Variants in MDGA2 observed in about 807,000 individuals in gnomAD.
The protein encoded by MDGA2 is MAM domain containing glycosylphosphatidylinositol anchor 2, also known as MAM domain-containing glycosylphosphatidylinositol anchor protein 2.
A neutral mutation model predicts 117.8 loss-of-function variants in MDGA2; 40 were observed. The ratio of observed to expected loss-of-function variants is 0.34; its 90% CI spans 0.26 to 0.44. MDGA2 has a LOEUF of 0.44. Ranked by LOEUF, MDGA2 falls within the 20% of genes least tolerant of loss-of-function variation. The probability of loss-of-function intolerance (pLI) is 1.00; values close to 1 mark genes in which losing one functional copy is unlikely to be tolerated. For missense variants in MDGA2, 1,123 were observed against 1,250.6 expected (o/e 0.90, Z 1.54); for synonymous variants, 452 against 439.0 (o/e 1.03, Z -0.37).
intron 3 of MDGA2, among the ~76,000 whole-genome samples, chr14:47,157,983 G>A (rs958256576): frequency 6.8e-6 from 1 of 146,614 alleles, no homozygotes; most frequent in African/African-American, 2.5e-5. Context: ...ATAGCAGTGT[G>A]GAACAGACTA....
intron 1 of MDGA2, among the ~76,000 whole-genome samples, chr14:47,412,797 C>T (rs1459333729): frequency 6.6e-6 from 1 of 152,156 alleles, no homozygotes; most frequent in Non-Finnish European, 1.5e-5. Flanking sequence ...ACACACAAAC[C>T]ACATGTTGCC....
At chr14:47,550,975 G>A (rs901226606) in intron 1 of MDGA2, among the ~76,000 whole-genome samples, 1 of 152,182 alleles carries the variant, frequency 6.6e-6, no homozygotes, top group Non-Finnish European at 1.5e-5. Flanking sequence ...TATGGAACAT[G>A]TAGGAGGCAA....
intron 3 of MDGA2, among the ~76,000 whole-genome samples, chr14:47,176,381 C>T (rs1415730871): frequency 8.5e-5 from 13 of 152,150 alleles, no homozygotes; most frequent in African/African-American, 2.2e-4. Flanking sequence ...GGAGGCATCA[C>T]GCTACCTGAC....
At chr14:46,960,029 C>T (rs1397349004) in intron 8 of MDGA2, among the ~76,000 whole-genome samples, 2 of 151,972 alleles carry the variant, frequency 1.3e-5, no homozygotes, top group African/African-American at 4.8e-5. Context: ...CGAGACCAGC[C>T]TGGGCAACAT....
chr14:47,063,928 T>G (rs986973079), intron 6 of MDGA2, among the ~76,000 whole-genome samples: 2 of 151,994 alleles, frequency 1.3e-5, no homozygotes, highest in African/African-American at 4.8e-5. Flanking sequence ...GTGCTCTGCA[T>G]AGTGACATAT....
At chr14:47,139,574 C>G (rs1882613125) in intron 4 of MDGA2, among the ~76,000 whole-genome samples, 1 of 151,290 alleles carries the variant, frequency 6.6e-6, no homozygotes, top group African/African-American at 2.4e-5. Context: ...CATGAAGCCA[C>G]AAAGGTCAAT....
At chr14:47,352,008 G>T (rs1317931912) in intron 1 of MDGA2, among the ~76,000 whole-genome samples, 1 of 151,546 alleles carries the variant, frequency 6.6e-6, no homozygotes, top group Non-Finnish European at 1.5e-5. Flanking sequence ...TTTTAAGAAA[G>T]AAATTAGTTT....
chr14:47,009,924 C>T (rs1887839056), intron 8 of MDGA2, among the ~76,000 whole-genome samples: 1 of 151,908 alleles, frequency 6.6e-6, no homozygotes, highest in Non-Finnish European at 1.5e-5. Flanking sequence ...TATTTCTAGC[C>T]CTCTGAATCT....
chr14:47,654,185 T>A (rs542930459), intron 1 of MDGA2, among the ~76,000 whole-genome samples: 5 of 152,174 alleles, frequency 3.3e-5, no homozygotes, highest in Non-Finnish European at 4.4e-5. Flanking sequence ...GCTCTAGATA[T>A]GGTTGAATTC....
Position 47,645,678 on chromosome 14 carries a change from G to C in MDGA2, c.280+28839C>G, listed in dbSNP as rs529721273. On this transcript the variant is annotated intron_variant, in intron 1 of 16. Coordinates refer to ENST00000399232, the MANE Select transcript of MDGA2 (RefSeq NM_001113498.3). ...ATTTTTTTAAGATTTCATAAAACTA[G>C]TACCAGCACTAACAAAAATGCTTAC... Among the ~76,000 whole-genome samples, 104 of 151,914 alleles carry C rather than the reference G, an allele frequency of 6.8e-4. 1 individual carries two copies. The highest frequency in any genetic ancestry group is 2.4e-3 in the African/African-American group (101 of 41,436).
At chr14:47,053,654 T>TACAC (rs746996959) in intron 7 of MDGA2, among the ~76,000 whole-genome samples, 689 of 66,782 alleles carry the variant, frequency 0.01, 6 homozygotes, top group African/African-American at 0.023. Context: ...TATATATATA[T>TACAC]ACACACACAC....
chr14:47,376,200 T>C (rs1891474866), intron 1 of MDGA2, among the ~76,000 whole-genome samples: 1 of 152,190 alleles, frequency 6.6e-6, no homozygotes, highest in African/African-American at 2.4e-5. Flanking sequence ...TTTTTGATCA[T>C]TTAATTTTGA....
At chr14:46,873,892 A>C in intron 13 of MDGA2, 153 bp downstream of exon 13, 1 of 687,156 alleles carries the variant, frequency 1.5e-6, no homozygotes, top group Non-Finnish European at 2.2e-6. Flanking sequence ...AATGTCTACA[A>C]AGTTTTGTAA....
At chr14:47,018,723 C>T (rs1888169784) in intron 8 of MDGA2, among the ~76,000 whole-genome samples, 4 of 93,194 alleles carry the variant, frequency 4.3e-5, no homozygotes, top group African/African-American at 1.7e-4. Flanking sequence ...AAGGCTCAAG[C>T]CATTTTACTG....
At chr14:47,284,033 T>C (rs893938651) in intron 2 of MDGA2, among the ~76,000 whole-genome samples, 5 of 152,196 alleles carry the variant, frequency 3.3e-5, no homozygotes, top group Non-Finnish European at 7.3e-5. Flanking sequence ...CCCAACAATC[T>C]AGGTGGCCTT....
chr14:47,425,341 A>C (rs1892665743), intron 1 of MDGA2, among the ~76,000 whole-genome samples: 1 of 152,202 alleles, frequency 6.6e-6, no homozygotes, highest in African/African-American at 2.4e-5. Flanking sequence ...AATCAGATAC[A>C]TACACCCTCA....
chr14:47,645,263 T>A (rs902814993), intron 1 of MDGA2, among the ~76,000 whole-genome samples: 1 of 151,996 alleles, frequency 6.6e-6, no homozygotes. Context: ...TTTTTTTTTT[T>A]AGAGGGAGTC....
intron 1 of MDGA2, among the ~76,000 whole-genome samples, chr14:47,352,078 G>T (rs1890896519): frequency 6.6e-6 from 1 of 152,018 alleles, no homozygotes; most frequent in Admixed American, 6.6e-5. Context: ...GAGTTATCAG[G>T]ATTCATTGAA....
At chr14:47,256,674 T>C (rs1381974961) in intron 2 of MDGA2, among the ~76,000 whole-genome samples, 1 of 152,198 alleles carries the variant, frequency 6.6e-6, no homozygotes, top group Non-Finnish European at 1.5e-5. Flanking sequence ...ATATAACTTT[T>C]TCCTTCTTTA....
Sources: allele counts gnomAD v4.1 joint callset (sites outside exome capture counted in the v4.1 genomes callset), GRCh38; gene constraint gnomAD v4.1.1; transcripts MANE v1.5; gene names NCBI Gene and HGNC (gene_info 2026-07-23, HGNC 2026-07-21).